The following NFKB1 variants were observed in gnomAD, a reference collection of about 807,000 sequenced individuals.
NFKB1 encodes the protein nuclear factor NF-kappa-B p105 subunit.
In NFKB1, 9 loss-of-function variants were observed where a neutral mutation model predicts 105.1. That is an observed-to-expected ratio of 0.09 (90% CI 0.05 to 0.15). The LOEUF is 0.15. Among genes scored for constraint, NFKB1 ranks in the 10% least tolerant of loss-of-function variants. NFKB1 has a pLI of 1.00. For missense variants in NFKB1, 830 were observed against 1,203.7 expected (o/e 0.69, Z 4.59); for synonymous variants, 440 against 442.2 (o/e 1.00, Z 0.06).
chr4:102,569,152 T>C (rs1200277103), intron 6 of NFKB1, among the ~76,000 whole-genome samples: 1 of 152,142 alleles, frequency 6.6e-6, no homozygotes, highest in Non-Finnish European at 1.5e-5. Context: ...TCTCTCTATA[T>C]ATACATTTTT....
intron 7 of NFKB1, chr4:102,577,844 T>C: frequency 1.0e-6 from 1 of 985,576 alleles, no homozygotes; most frequent in Non-Finnish European, 1.2e-6. Flanking sequence ...CCACTTATAG[T>C]AGTCTTCTCC....
intron 16 of NFKB1, among the ~76,000 whole-genome samples, chr4:102,604,531 A>T (rs1476272778): frequency 3.9e-5 from 6 of 151,978 alleles, no homozygotes; most frequent in Non-Finnish European, 7.4e-5. Context: ...TTGTGCATAT[A>T]TTTTTTAAAT....
chr4:102,585,518 G>A (rs1477133457), intron 11 of NFKB1, among the ~76,000 whole-genome samples: 5 of 152,122 alleles, frequency 3.3e-5, no homozygotes, highest in Non-Finnish European at 7.3e-5. Flanking sequence ...AGCCTCAGGC[G>A]GTGGAACAGA....
chr4:102,601,278 GT>G (rs1403756482), intron 16 of NFKB1, among the ~76,000 whole-genome samples: 2 of 152,080 alleles, frequency 1.3e-5, no homozygotes, highest in African/African-American at 4.8e-5. Flanking sequence ...AAATCAAACA[GT>G]TTTTTCATTT....
At chr4:102,534,230 G>A (rs541609489) in intron 4 of NFKB1, among the ~76,000 whole-genome samples, 20 of 152,246 alleles carry the variant, frequency 1.3e-4, no homozygotes, top group South Asian at 2.1e-4. Context: ...AAGGAAATAC[G>A]TATGCATACA....
chr4:102,564,414 C>G (rs1418603481), intron 5 of NFKB1, among the ~76,000 whole-genome samples: 3 of 152,208 alleles, frequency 2.0e-5, no homozygotes. Context: ...TCTCACACTT[C>G]AGCTTTCTTC....
chr4:102,571,986 A>G (rs1166974241), intron 6 of NFKB1, among the ~76,000 whole-genome samples: 1 of 152,224 alleles, frequency 6.6e-6, no homozygotes, highest in Non-Finnish European at 1.5e-5. Context: ...ATTACTGGGT[A>G]TATACCCAAA....
chr4:102,531,229 A>G (rs1380617954), intron 3 of NFKB1, among the ~76,000 whole-genome samples: 2 of 152,168 alleles, frequency 1.3e-5, no homozygotes, highest in Non-Finnish European at 2.9e-5. Flanking sequence ...TATCAAGATA[A>G]CCATCTCAGT....
chr4:102,515,107 A>ATTTTTTTTTT (rs34257045), intron 1 of NFKB1, among the ~76,000 whole-genome samples: 9 of 95,640 alleles, frequency 9.4e-5, no homozygotes, highest in Non-Finnish European at 1.3e-4. Context: ...TATTATTATT[A>ATTTTTTTTTT]TTTTTTTTTT....
chr4:102,607,939 C>G (rs546162223), intron 19 of NFKB1, among the ~76,000 whole-genome samples, 188 bp downstream of exon 19: 75 of 152,290 alleles, frequency 4.9e-4, no homozygotes, highest in African/African-American at 1.8e-3. Flanking sequence ...TAATCTTGGG[C>G]TTTACCCTGA....
intron 5 of NFKB1, among the ~76,000 whole-genome samples, chr4:102,541,859 C>G (rs1742018644): frequency 6.6e-6 from 1 of 152,180 alleles, no homozygotes; most frequent in South Asian, 2.1e-4. Flanking sequence ...CTTCCAACCT[C>G]ACACCCTGTC....
chr4:102,543,158 G>T (rs1902849), intron 5 of NFKB1, among the ~76,000 whole-genome samples: 1 of 152,038 alleles, frequency 6.6e-6, no homozygotes, highest in African/African-American at 2.4e-5. Context: ...TATTTTTCCC[G>T]AAAGCCACGC....
chr4:102,551,484 A>G (rs1315825658), intron 5 of NFKB1, among the ~76,000 whole-genome samples: 3 of 152,058 alleles, frequency 2.0e-5, no homozygotes, highest in Non-Finnish European at 4.4e-5. Context: ...ATAGAATGCA[A>G]GTGGAATTTG....
chr4:102,508,077 A>G (rs564609786), intron 1 of NFKB1, among the ~76,000 whole-genome samples: 5 of 152,320 alleles, frequency 3.3e-5, no homozygotes, highest in African/African-American at 7.2e-5. Context: ...TTTTAACACA[A>G]ATTCCCAAAT....
intron 11 of NFKB1, among the ~76,000 whole-genome samples, chr4:102,587,177 C>T (rs1370459781): frequency 1.3e-5 from 2 of 152,216 alleles, no homozygotes; most frequent in Non-Finnish European, 2.9e-5. Context: ...TCCCACCTCT[C>T]CTTACTTCCC....
chr4:102,615,834 T>G (rs550555255), intron 23 of NFKB1, among the ~76,000 whole-genome samples: 1 of 152,242 alleles, frequency 6.6e-6, no homozygotes, highest in Non-Finnish European at 1.5e-5. Context: ...AGACTTCTGT[T>G]TCCTTCCTCA....
chr4:102,536,870 G>C (rs1339143831), intron 4 of NFKB1, among the ~76,000 whole-genome samples: 1 of 152,134 alleles, frequency 6.6e-6, no homozygotes, highest in Non-Finnish European at 1.5e-5. Flanking sequence ...CTGCTTAAGC[G>C]ACTATGTGGT....
intron 4 of NFKB1, 119 bp from the exon 5 acceptor site, chr4:102,537,739 T>G (rs1432911449): frequency 1.8e-6 from 1 of 556,114 alleles, no homozygotes; most frequent in Non-Finnish European, 3.3e-6. Flanking sequence ...TTTCACAGTT[T>G]CATGTTTTTC....
At chr4:102,559,330 A>G (rs1723218236) in intron 5 of NFKB1, among the ~76,000 whole-genome samples, 1 of 152,196 alleles carries the variant, frequency 6.6e-6, no homozygotes, top group Non-Finnish European at 1.5e-5. Context: ...GCCCCCTTGC[A>G]CTAATCACTC....
Sources: gnomAD v4.1 joint callset for allele counts (sites outside exome capture counted in the v4.1 genomes callset) on GRCh38, gnomAD v4.1.1 for gene constraint, MANE v1.5 for transcripts, NCBI Gene and HGNC (gene_info 2026-07-23, HGNC 2026-07-21) for gene names.